Variants in TMPRSS7 observed in about 807,000 individuals in gnomAD.
TMPRSS7 encodes transmembrane protease serine 7.
In TMPRSS7, 81 loss-of-function variants were observed where a neutral mutation model predicts 95.6. The ratio of observed to expected loss-of-function variants is 0.85; its 90% CI spans 0.71 to 1.02. TMPRSS7 has a LOEUF of 1.02. Ranked by LOEUF, TMPRSS7 falls within the 50% of genes least tolerant of loss-of-function variation. The pLI is 0.00. For synonymous variants in TMPRSS7, 364 were observed against 337.8 expected (o/e 1.08, Z -0.85); for missense variants, 945 against 955.2 (o/e 0.99, Z 0.14).
chr3:112,061,711 A>G (rs2073507807), intron 10 of TMPRSS7, 76 bp from the exon 11 acceptor site: 3 of 1,493,024 alleles, frequency 2.0e-6, no homozygotes, highest in Non-Finnish European at 2.7e-6. Flanking sequence ...CCAAAGTATT[A>G]GAGAATTCAC....
exon 7 of TMPRSS7, chr3:112,047,820 T>C (rs1368405181): frequency 1.2e-5 from 20 of 1,614,070 alleles, no homozygotes; most frequent in Non-Finnish European, 1.6e-5. Context: ...TCAGGGAGGC[T>C]GATGTGTCAC....
At chr3:112,045,307 C>G (rs1559953359) in intron 4 of TMPRSS7, among the ~76,000 whole-genome samples, 1 of 152,156 alleles carries the variant, frequency 6.6e-6, no homozygotes, top group Non-Finnish European at 1.5e-5. Context: ...GCCAGTATGC[C>G]TGGCTAATTT....
In TMPRSS7 at chr3:112,047,933, TC is replaced by T. The variant is rs1559954367; in HGVS notation, c.928del (p.Leu310PhefsTer19). ...CACTGACTCCCTGACCATTTACGAC[TC>T]CCTTTTGCCCATCCGGAGCAGCATC... On this transcript the variant is annotated frameshift_variant, in exon 7 of 18. Transcript: ENST00000452346. LOFTEE classifies it high-confidence loss of function. 6.2e-7 allele frequency: 1 copy of T among 1,614,034 alleles called. No individual in the cohort carries two copies.
At chr3:112,043,360 A>G (rs1164618782) in intron 3 of TMPRSS7, among the ~76,000 whole-genome samples, 1 of 152,198 alleles carries the variant, frequency 6.6e-6, no homozygotes, top group Non-Finnish European at 1.5e-5. Flanking sequence ...CATTGACCAA[A>G]ATGTCATGTG....
At chr3:112,065,515 T>A (rs2073565349) in intron 12 of TMPRSS7, among the ~76,000 whole-genome samples, 1 of 152,218 alleles carries the variant, frequency 6.6e-6, no homozygotes, top group Non-Finnish European at 1.5e-5. Flanking sequence ...CAAACAAAAA[T>A]GATTATTGTT....
chr3:112,039,235 G>T (rs1282058708), intron 2 of TMPRSS7, among the ~76,000 whole-genome samples: 1 of 152,188 alleles, frequency 6.6e-6, no homozygotes, highest in East Asian at 1.9e-4. Context: ...TAATGTATTT[G>T]ATACAAAATC....
intron 5 of TMPRSS7, among the ~76,000 whole-genome samples, chr3:112,046,639 G>A (rs186021583): frequency 1.2e-4 from 18 of 152,186 alleles, no homozygotes; most frequent in Admixed American, 4.6e-4. Flanking sequence ...TTCATATATA[G>A]GACTAATATC....
exon 9 of TMPRSS7, chr3:112,050,740 C>G: frequency 6.2e-7 from 1 of 1,603,786 alleles, no homozygotes; most frequent in South Asian, 1.1e-5. Context: ...CCATATTACC[C>G]GAGCTACTAT....
exon 16 of TMPRSS7, chr3:112,076,928 A>G: frequency 6.2e-7 from 1 of 1,614,180 alleles, no homozygotes; most frequent in Non-Finnish European, 8.5e-7. Context: ...TGTTCAGGGG[A>G]ATGCCAAGTT....
At chr3:112,051,891 A>G (rs2073364818) in intron 9 of TMPRSS7, among the ~76,000 whole-genome samples, 1 of 152,058 alleles carries the variant, frequency 6.6e-6, no homozygotes, top group Non-Finnish European at 1.5e-5. Flanking sequence ...GATGAATTAG[A>G]TGTAAGTGGC....
chr3:112,044,309 G>A (rs1443546943), exon 4 of TMPRSS7: 13 of 1,551,166 alleles, frequency 8.4e-6, no homozygotes, highest in Non-Finnish European at 7.8e-6. Context: ...GCAGTCTGTT[G>A]TTGCAGATGT....
intron 3 of TMPRSS7, 66 bp downstream of exon 3, chr3:112,042,116 G>A: frequency 7.4e-7 from 1 of 1,348,054 alleles, no homozygotes; most frequent in Non-Finnish European, 1.0e-6. Context: ...GGATGAAGCT[G>A]GAGGGGAACA....
intron 3 of TMPRSS7, 89 bp from the exon 4 acceptor site, chr3:112,044,166 C>A: frequency 4.8e-6 from 4 of 838,490 alleles, no homozygotes; most frequent in South Asian, 4.7e-5. Flanking sequence ...TTCTTGCTGG[C>A]TGTCAGAGCT....
intron 2 of TMPRSS7, among the ~76,000 whole-genome samples, chr3:112,040,952 G>A (rs937986934): frequency 6.6e-6 from 1 of 152,002 alleles, no homozygotes; most frequent in African/African-American, 2.4e-5. Flanking sequence ...CTGATTGAAT[G>A]CTAAATTAAT....
intron 10 of TMPRSS7, among the ~76,000 whole-genome samples, chr3:112,061,327 G>A (rs537034701): frequency 4.5e-4 from 68 of 152,192 alleles, no homozygotes; most frequent in African/African-American, 1.5e-3. Flanking sequence ...TTATGTGCAC[G>A]TCAGATTTCA....
At chr3:112,052,397 T>C (rs1462092983) in intron 9 of TMPRSS7, among the ~76,000 whole-genome samples, 1 of 151,896 alleles carries the variant, frequency 6.6e-6, no homozygotes, top group African/African-American at 2.4e-5. Context: ...AATAGTTAAA[T>C]AGTTAAAATA....
intron 5 of TMPRSS7, 44 bp from the exon 6 acceptor site, chr3:112,046,930 A>G (rs746096454): frequency 7.2e-6 from 5 of 696,436 alleles, no homozygotes; most frequent in Admixed American, 4.1e-5. Flanking sequence ...TAACAAAATG[A>G]AATGATAGGA....
intron 9 of TMPRSS7, among the ~76,000 whole-genome samples, chr3:112,056,362 A>C (rs1019452106): frequency 6.6e-6 from 1 of 152,238 alleles, no homozygotes; most frequent in African/African-American, 2.4e-5. Context: ...AAAATTCCTT[A>C]AATAATTCCT....
exon 7 of TMPRSS7, chr3:112,047,809 C>T (rs528302591): frequency 9.3e-6 from 15 of 1,614,154 alleles, no homozygotes; most frequent in African/African-American, 5.3e-5. Context: ...TTTCTGCAGC[C>T]TCAGGGAGGC....
Sources: gnomAD v4.1 joint callset for allele counts (sites outside exome capture counted in the v4.1 genomes callset) on GRCh38, gnomAD v4.1.1 for gene constraint, MANE v1.5 for transcripts, NCBI Gene and HGNC (gene_info 2026-07-23, HGNC 2026-07-21) for gene names.